HDAC9: variants seen among roughly 807,000 people sequenced by gnomAD.
HDAC9 encodes histone deacetylase 9.
A neutral mutation model predicts 139.4 loss-of-function variants in HDAC9; 41 were observed. That is an observed-to-expected ratio of 0.29 (90% confidence interval 0.23 to 0.38). HDAC9 has a LOEUF of 0.38. Among genes scored for constraint, HDAC9 ranks in the 10% least tolerant of loss-of-function variants. The pLI is 1.00. For missense variants in HDAC9, 1,147 were observed against 1,297.0 expected (o/e 0.88, Z 1.78); for synonymous variants, 517 against 476.2 (o/e 1.09, Z -1.12).
chr7:18,996,297 T>C lies in HDAC9; in HGVS notation c.*235T>C, dbSNP rs2074633. ...ATTCTAGAGTTACAGTAAACCACGATTGGAAGAAACTGCTTCCAGCATGCT... is the reference window on the plus strand; with the variant it reads ...ATTCTAGAGTTACAGTAAACCACGACTGGAAGAAACTGCTTCCAGCATGCT... On this transcript the variant is annotated 3_prime_UTR_variant, in exon 26 of 26. Transcript: ENST00000686413. The C allele has an allele frequency of 0.25, 105,992 of 425,922 alleles. 14,012 individuals carry two copies. Among genetic ancestry groups the C allele is most frequent in the East Asian group, 0.37 (8,387 of 22,972 alleles). 26.4% of individuals were successfully genotyped at this position (425,922 alleles called of 1,614,324 possible).
intron 1 of HDAC9, among the ~76,000 whole-genome samples, chr7:18,362,762 C>G (rs1174466736): frequency 6.6e-6 from 1 of 152,110 alleles, no homozygotes; most frequent in Non-Finnish European, 1.5e-5. Context: ...TTTCATGCTA[C>G]ATTTATATCT....
chr7:18,883,550 A>G lies in HDAC9; in HGVS notation c.2803+8954A>G, dbSNP rs184852058. Among the ~76,000 whole-genome samples the G allele has an allele frequency of 2.4e-4, 36 of 152,242 alleles. 1 individual carries two copies. The East Asian group carries it at 6.7e-3, about 29-fold the overall frequency. ...GAAGGAATGTACCTCAACAAAATAAAAGCCATATATGATAAGGCTATAAAT... is the reference window on the plus strand; with the variant it reads ...GAAGGAATGTACCTCAACAAAATAAGAGCCATATATGATAAGGCTATAAAT... On this transcript the variant is annotated intron_variant, in intron 22 of 25. Coordinates refer to ENST00000686413, the MANE Select transcript of HDAC9 (RefSeq NM_178425.4).
At chr7:18,578,352 G>A (rs554368407) in intron 2 of HDAC9, among the ~76,000 whole-genome samples, 24 of 152,288 alleles carry the variant, frequency 1.6e-4, no homozygotes, top group Non-Finnish European at 2.8e-4. Flanking sequence ...CTGAGCAGAG[G>A]CGATCAGCTT....
chr7:18,448,314 G>A (rs902124281), intron 1 of HDAC9, among the ~76,000 whole-genome samples: 2 of 152,114 alleles, frequency 1.3e-5, no homozygotes, highest in Non-Finnish European at 2.9e-5. Context: ...GGAGAGCAAC[G>A]TTCAATTTTA....
chr7:18,769,403 C>T (rs1253302492), intron 16 of HDAC9, among the ~76,000 whole-genome samples: 1 of 152,076 alleles, frequency 6.6e-6, no homozygotes, highest in Non-Finnish European at 1.5e-5. Flanking sequence ...CTAGAGCTGA[C>T]CTCACCTGGA....
At chr7:18,112,367 G>A (rs555954278) in intron 1 of HDAC9, among the ~76,000 whole-genome samples, 1 of 152,136 alleles carries the variant, frequency 6.6e-6, no homozygotes, top group Non-Finnish European at 1.5e-5. Flanking sequence ...GCGGACTACA[G>A]TTAAACTTGT....
chr7:18,627,931 A>C (rs949008889), intron 6 of HDAC9, among the ~76,000 whole-genome samples: 1 of 151,332 alleles, frequency 6.6e-6, no homozygotes, highest in Non-Finnish European at 1.5e-5. Context: ...ATTCCAAGAA[A>C]ACATATAATG....
intron 22 of HDAC9, among the ~76,000 whole-genome samples, chr7:18,890,592 T>A (rs1322556820): frequency 6.6e-6 from 1 of 152,218 alleles, no homozygotes; most frequent in Admixed American, 6.5e-5. Context: ...AAGATTTTCA[T>A]ATGTGGGAAA....
upstream of HDAC9, among the ~76,000 whole-genome samples, chr7:18,494,632 A>G (rs987381395): frequency 1.3e-5 from 2 of 152,034 alleles, no homozygotes; most frequent in East Asian, 1.9e-4. Flanking sequence ...ACCAGAGACT[A>G]TAAAACTCTG....
At chr7:18,198,287 A>G (rs979049848) in intron 2 of HDAC9, among the ~76,000 whole-genome samples, 2 of 152,138 alleles carry the variant, frequency 1.3e-5, no homozygotes, top group Non-Finnish European at 2.9e-5. Flanking sequence ...TTTATATAGC[A>G]TTAAGTTAAT....
chr7:18,596,890 T>C (rs577172148), intron 6 of HDAC9, among the ~76,000 whole-genome samples: 1 of 152,270 alleles, frequency 6.6e-6, no homozygotes, highest in East Asian at 1.9e-4. Context: ...AGAGTAAAAC[T>C]GGAATCAGAG....
intron 1 of HDAC9, among the ~76,000 whole-genome samples, chr7:18,389,336 C>A (rs1485909354): frequency 6.6e-6 from 1 of 152,114 alleles, no homozygotes; most frequent in African/African-American, 2.4e-5. Flanking sequence ...ACGTAAGAGT[C>A]CTGGAGTTAT....
chr7:18,892,475 G>T (rs1238034294), intron 22 of HDAC9: 1 of 152,156 alleles, frequency 6.6e-6, no homozygotes, highest in East Asian at 1.9e-4. Flanking sequence ...ATCAGAGCTA[G>T]TGGAATATAC....
chr7:18,089,507 A>G (rs551416037), intron 1 of HDAC9, among the ~76,000 whole-genome samples: 24 of 152,100 alleles, frequency 1.6e-4, no homozygotes, highest in Middle Eastern at 3.4e-3. Flanking sequence ...TAAGATATAG[A>G]TGAATTCTAT....
intron 1 of HDAC9, among the ~76,000 whole-genome samples, chr7:18,105,095 T>TG (rs1283223228): frequency 6.7e-6 from 1 of 150,306 alleles, no homozygotes; most frequent in African/African-American, 2.5e-5. Flanking sequence ...GCTTTCTAGA[T>TG]GAGATTTCAT....
chr7:18,322,405 G>T (rs959960326), intron 1 of HDAC9, among the ~76,000 whole-genome samples: 1 of 152,134 alleles, frequency 6.6e-6, no homozygotes, highest in African/African-American at 2.4e-5. Flanking sequence ...TACCATATCA[G>T]ATATCACAGA....
In HDAC9 at chr7:18,520,488, A is replaced by G. The variant is rs1179734997; in HGVS notation, c.22+24164A>G. Among the ~76,000 whole-genome samples, 7 of 152,284 alleles carry G rather than the reference A, an allele frequency of 4.6e-5. No individual in the cohort carries two copies. The East Asian group carries it at 1.2e-3, about 25-fold the overall frequency. On this transcript the variant is annotated intron_variant, in intron 2 of 25. Transcript: ENST00000686413. Reference sequence around the variant, plus strand: ...TTGGTTAATTAAGTTATAAAATTCTAAGGGAGTATGATGAACCATGTAGAC... The same window carrying G: ...TTGGTTAATTAAGTTATAAAATTCTGAGGGAGTATGATGAACCATGTAGAC...
intron 1 of HDAC9, among the ~76,000 whole-genome samples, chr7:18,312,878 A>T (rs1799406437): frequency 6.6e-6 from 1 of 152,246 alleles, no homozygotes; most frequent in South Asian, 2.1e-4. Context: ...TAACAGTTTA[A>T]TGGGTTTATT....
At chr7:18,164,443 T>C (rs942709188) in intron 2 of HDAC9, among the ~76,000 whole-genome samples, 40 of 152,228 alleles carry the variant, frequency 2.6e-4, no homozygotes, top group African/African-American at 8.9e-4. Context: ...AGAATTAAAT[T>C]GGTCTTATGC....
Sources: gnomAD v4.1 joint callset for allele counts (sites outside exome capture counted in the v4.1 genomes callset) on GRCh38, gnomAD v4.1.1 for gene constraint, MANE v1.5 for transcripts, NCBI Gene and HGNC (gene_info 2026-07-23, HGNC 2026-07-21) for gene names.